The following ITPRID1 variants were observed in gnomAD, a reference collection of about 807,000 sequenced individuals.
ITPRID1 encodes protein ITPRID1.
ITPRID1 carries 96 observed loss-of-function variants against 95.4 expected under a neutral mutation model. The ratio of observed to expected loss-of-function variants is 1.01; its 90% CI spans 0.85 to 1.19. The LOEUF is 1.19. Among genes scored for constraint, ITPRID1 ranks in the 50% most tolerant of loss-of-function variants. The probability of loss-of-function intolerance (pLI) is 0.00; values close to 1 mark genes in which losing one functional copy is unlikely to be tolerated. For missense variants in ITPRID1, 1,339 were observed against 1,252.9 expected (o/e 1.07, Z -1.04); for synonymous variants, 510 against 453.6 (o/e 1.12, Z -1.58).
chr7:31,520,568 A>T (rs201678472), intron 1 of ITPRID1, among the ~76,000 whole-genome samples: 67 of 54,640 alleles, frequency 1.2e-3, no homozygotes, highest in East Asian at 7.7e-3. Flanking sequence ...TGTGTGTGAG[A>T]GAGAGAGAGA....
intron 1 of ITPRID1, chr7:31,517,787 TC>T (rs1783095413): frequency 6.6e-6 from 1 of 152,396 alleles, no homozygotes; most frequent in African/African-American, 2.4e-5. Context: ...GAAGGGCTCC[TC>T]GAGCGTGGCC....
At chr7:31,532,809 C>A (rs916055016) in intron 1 of ITPRID1, among the ~76,000 whole-genome samples, 3 of 152,188 alleles carry the variant, frequency 2.0e-5, no homozygotes, top group African/African-American at 7.2e-5. Flanking sequence ...ACTAGTTGTT[C>A]AGCCATTCAC....
chr7:31,656,933 A>G (rs990183889), downstream of ITPRID1, among the ~76,000 whole-genome samples: 1 of 151,452 alleles, frequency 6.6e-6, no homozygotes, highest in East Asian at 1.9e-4. Flanking sequence ...ATGATGAACA[A>G]TGTTTGCTGA....
intron 5 of ITPRID1, among the ~76,000 whole-genome samples, chr7:31,562,436 A>G (rs1232969870): frequency 6.6e-6 from 1 of 152,230 alleles, no homozygotes; most frequent in African/African-American, 2.4e-5. Context: ...TCCCATCCCC[A>G]GAGAGGTCTC....
intron 10 of ITPRID1, among the ~76,000 whole-genome samples, chr7:31,623,031 A>G (rs527294563): frequency 6.6e-6 from 1 of 152,312 alleles, no homozygotes; most frequent in African/African-American, 2.4e-5. Context: ...CTCAACACAT[A>G]CACCCTCCCA....
intron 9 of ITPRID1, 52 bp from the exon 10 acceptor site, chr7:31,583,082 T>C: frequency 7.6e-7 from 1 of 1,309,204 alleles, no homozygotes; most frequent in South Asian, 1.2e-5. Flanking sequence ...TTAAAATAAG[T>C]GAATTTATTT....
At chr7:31,640,017 T>C (rs1230596952) in intron 10 of ITPRID1, among the ~76,000 whole-genome samples, 1 of 152,194 alleles carries the variant, frequency 6.6e-6, no homozygotes, top group Non-Finnish European at 1.5e-5. Context: ...ATATAGGTGG[T>C]AGATAGTACT....
chr7:31,552,910 T>C, intron 2 of ITPRID1, 92 bp from the exon 3 acceptor site: 1 of 1,263,134 alleles, frequency 7.9e-7, no homozygotes, highest in East Asian at 2.6e-5. Flanking sequence ...CATCTGACTG[T>C]AGGCATTCTG....
At chr7:31,524,481 G>A (rs975032866) in intron 1 of ITPRID1, among the ~76,000 whole-genome samples, 2 of 152,140 alleles carry the variant, frequency 1.3e-5, no homozygotes, top group Non-Finnish European at 2.9e-5. Flanking sequence ...GTCCCATTTC[G>A]AGATTAAAGA....
chr7:31,611,353 GAAT>G (rs1488976570), intron 10 of ITPRID1, among the ~76,000 whole-genome samples: 1 of 151,542 alleles, frequency 6.6e-6, no homozygotes, highest in Non-Finnish European at 1.5e-5. Context: ...AAACAGATGA[GAAT>G]AAAAGAATTA....
At position 31,615,364 on chromosome 7, in the gene ITPRID1, C is replaced by T. The variant is rs61676273; in HGVS notation, c.1229-26812C>T. 1.2e-3 allele frequency among the ~76,000 whole-genome samples: 178 copies of T among 152,140 alleles called. 1 individual carries two copies. The highest frequency in any genetic ancestry group is 3.9e-3 in the African/African-American group (163 of 41,488). On this transcript the variant is annotated intron_variant, in intron 10 of 14. Transcript: ENST00000615280. ...TCAATGTTCCCATCTTCATGATGGGCGTAATAAAATCTACCCAGCTTGGCA... is the reference window on the plus strand; with the variant it reads ...TCAATGTTCCCATCTTCATGATGGGTGTAATAAAATCTACCCAGCTTGGCA...
chr7:31,572,020 C>T (rs1267254216), intron 6 of ITPRID1, 82 bp from the exon 7 acceptor site: 12 of 873,768 alleles, frequency 1.4e-5, no homozygotes, highest in Admixed American at 2.2e-5. Flanking sequence ...AATGTTTGCT[C>T]TGGAAGGAAA....
intron 10 of ITPRID1, among the ~76,000 whole-genome samples, chr7:31,634,076 C>T (rs1789256169): frequency 6.6e-6 from 1 of 152,156 alleles, no homozygotes; most frequent in Non-Finnish European, 1.5e-5. Flanking sequence ...CCAGGTTCTT[C>T]CACTCTGTGG....
In ITPRID1 at chr7:31,578,281, C is replaced by T. The variant is rs1785266661; in HGVS notation, c.1017C>T (p.Cys339=). 1 of 1,613,896 alleles carries T rather than the reference C, an allele frequency of 6.2e-7. No individual in the cohort carries two copies. Among genetic ancestry groups the T allele is most frequent in the Non-Finnish European group, 8.5e-7 (1 of 1,179,836 alleles). ...GTCTTCTGAGCAAGCAGTGGCCTTGCTCATCTATGCCGGCCAAGCAGGCTC... is the reference window on the plus strand; with the variant it reads ...GTCTTCTGAGCAAGCAGTGGCCTTGTTCATCTATGCCGGCCAAGCAGGCTC... ...PHGLLSKQWP[C]SSMPAKQAPP... Residue 339 remains cysteine, a synonymous_variant, in exon 9 of 15, where the codon TGC becomes TGT. Coordinates refer to ENST00000615280, the MANE Select transcript of ITPRID1 (RefSeq NM_001257967.3).
At chr7:31,617,065 G>T (rs987501762) in intron 10 of ITPRID1, among the ~76,000 whole-genome samples, 1 of 152,208 alleles carries the variant, frequency 6.6e-6, no homozygotes, top group African/African-American at 2.4e-5. Flanking sequence ...GTAAACAGCT[G>T]TAGGGAGCTA....
At position 31,521,229 on chromosome 7, in the gene ITPRID1, C is replaced by T. The variant is rs1161095784; in HGVS notation, c.-98+7109C>T. Among the ~76,000 whole-genome samples, 5 of 152,016 alleles carry T rather than the reference C, an allele frequency of 3.3e-5. No homozygotes were observed. The South Asian group carries it at 6.2e-4, about 19-fold the overall frequency. On this transcript the variant is annotated intron_variant, in intron 1 of 14. Transcript: ENST00000615280. ...TTAATGCTATAACTTTCCCTCCAAA[C>T]GTTGCTTTTGCTACATTTTAAATTT...
At position 31,559,403 on chromosome 7, in the gene ITPRID1, G is replaced by A. The variant is rs559985272; in HGVS notation, c.256+4502G>A. Among the ~76,000 whole-genome samples, 36 of 152,266 alleles carry A rather than the reference G, an allele frequency of 2.4e-4. 1 individual carries two copies. Among genetic ancestry groups the A allele is most frequent in the African/African-American group, 8.4e-4 (35 of 41,550 alleles). Reference sequence around the variant, plus strand: ...TGGCCAGACACAGTTGCCCACACCTGTAATCCCAGCACTTTGGGAAGTCAA... The same window carrying A: ...TGGCCAGACACAGTTGCCCACACCTATAATCCCAGCACTTTGGGAAGTCAA... On this transcript the variant is annotated intron_variant, in intron 5 of 14. Transcript: ENST00000615280.
Position 31,655,924 on chromosome 7 carries a change from C to A in ITPRID1, c.*3095C>A, listed in dbSNP as rs567941449. 1.2e-4 allele frequency: 123 copies of A among 985,312 alleles called. No individual in the cohort carries two copies. Among genetic ancestry groups the A allele is most frequent in the Middle Eastern group, 5.2e-4 (1 of 1,936 alleles). The allele number at this position is 985,312 out of a possible 1,614,324, so 61.0% of individuals were successfully genotyped here. A position where few individuals can be genotyped will look rare whatever the true frequency, so the allele number is the denominator to read the frequency against. On this transcript the variant is annotated 3_prime_UTR_variant, in exon 15 of 15. Coordinates refer to ENST00000615280, the MANE Select transcript of ITPRID1 (RefSeq NM_001257967.3). ...CCTCACCTGGCAGCCATCTGCTTTACCAGTCTCATTTCCTGCTCATCCCTC... is the reference window on the plus strand; with the variant it reads ...CCTCACCTGGCAGCCATCTGCTTTAACAGTCTCATTTCCTGCTCATCCCTC...
At chr7:31,533,996 T>C (rs1783681723) in intron 1 of ITPRID1, among the ~76,000 whole-genome samples, 2 of 152,128 alleles carry the variant, frequency 1.3e-5, no homozygotes, top group South Asian at 4.1e-4. Flanking sequence ...GGGCTCTGCC[T>C]CCTGTCAGAT....
Sources: allele counts gnomAD v4.1 joint callset (sites outside exome capture counted in the v4.1 genomes callset), GRCh38; gene constraint gnomAD v4.1.1; transcripts MANE v1.5; gene names NCBI Gene and HGNC (gene_info 2026-07-23, HGNC 2026-07-21).